Variants in PPP4R3B observed in about 807,000 individuals in gnomAD.
The protein encoded by PPP4R3B is serine/threonine-protein phosphatase 4 regulatory subunit 3B.
Under a neutral mutation model 95.4 loss-of-function variants are expected in PPP4R3B, and 52 were observed. The observed-to-expected ratio is 0.54, with a 90% CI of 0.44 to 0.69. The LOEUF is 0.69. Ranked by LOEUF, PPP4R3B falls within the 30% of genes least tolerant of loss-of-function variation. The pLI, the probability that PPP4R3B is intolerant of heterozygous loss-of-function variation, is 0.00. For missense variants in PPP4R3B, 1,003 were observed against 1,005.9 expected (o/e 1.00, Z 0.04); for synonymous variants, 407 against 343.9 (o/e 1.18, Z -2.03).
chr2:55,575,679 C>G (rs1267911908), intron 11 of PPP4R3B, among the ~76,000 whole-genome samples: 1 of 152,036 alleles, frequency 6.6e-6, no homozygotes, highest in Admixed American at 6.6e-5. Flanking sequence ...CTCAACCAAT[C>G]CTCCTGCCTC....
intron 15 of PPP4R3B, 78 bp downstream of exon 15, chr2:55,564,235 C>A (rs1686992196): frequency 7.7e-7 from 1 of 1,304,780 alleles, no homozygotes; most frequent in East Asian, 2.6e-5. Context: ...AAACTATAAA[C>A]AAACCTTCAC....
At chr2:55,551,225 G>A (rs1015857570) in intron 16 of PPP4R3B, among the ~76,000 whole-genome samples, 1 of 152,044 alleles carries the variant, frequency 6.6e-6, no homozygotes, top group South Asian at 2.1e-4. Flanking sequence ...GTGATGGCAG[G>A]CACCTGTAGT....
chr2:55,588,285 G>A (rs561473947), intron 5 of PPP4R3B, among the ~76,000 whole-genome samples: 2 of 152,162 alleles, frequency 1.3e-5, no homozygotes, highest in East Asian at 1.9e-4. Flanking sequence ...AGGCCAAGGC[G>A]GGGGGATCAC....
At chr2:55,613,898 G>A (rs1694540223) in intron 2 of PPP4R3B, among the ~76,000 whole-genome samples, 1 of 151,940 alleles carries the variant, frequency 6.6e-6, no homozygotes, top group Non-Finnish European at 1.5e-5. Flanking sequence ...TAAAAACTCG[G>A]TATAAAGACA....
At chr2:55,606,238 C>T (rs1693370819) in intron 2 of PPP4R3B, among the ~76,000 whole-genome samples, 1 of 151,940 alleles carries the variant, frequency 6.6e-6, no homozygotes, top group Admixed American at 6.6e-5. Context: ...AAAACACATG[C>T]TAAAATAGAA....
At chr2:55,612,475 T>C (rs574922587) in intron 2 of PPP4R3B, among the ~76,000 whole-genome samples, 7 of 152,264 alleles carry the variant, frequency 4.6e-5, no homozygotes, top group East Asian at 1.9e-4. Flanking sequence ...CCCAGCACCA[T>C]GGAGGTGCTG....
intron 2 of PPP4R3B, among the ~76,000 whole-genome samples, chr2:55,613,080 C>T (rs1268262101): frequency 2.6e-5 from 4 of 152,076 alleles, no homozygotes; most frequent in African/African-American, 9.7e-5. Flanking sequence ...CACTGTACTC[C>T]AGCCTAAGGG....
chr2:55,566,699 T>C (rs1249879959), intron 13 of PPP4R3B, among the ~76,000 whole-genome samples: 7 of 152,196 alleles, frequency 4.6e-5, no homozygotes, highest in African/African-American at 1.4e-4. Flanking sequence ...ATTTCTAGCT[T>C]GGACTTTGAT....
At chr2:55,613,350 T>C (rs1189150086) in intron 2 of PPP4R3B, among the ~76,000 whole-genome samples, 1 of 141,062 alleles carries the variant, frequency 7.1e-6, no homozygotes, top group Non-Finnish European at 1.5e-5. Context: ...GAATGTTATG[T>C]TGCCAAAAAA....
chr2:55,604,019 C>A lies in PPP4R3B; in HGVS notation c.256G>T (p.Glu86Ter). Residue 86 changes from glutamate (E) to a stop codon, truncating the protein, a stop_gained, in exon 3 of 17, where the codon GAG becomes TAG. Coordinates refer to ENST00000616407, the MANE Select transcript of PPP4R3B (RefSeq NM_001122964.3). LOFTEE classifies it high-confidence loss of function. Reference protein sequence around the residue: ...ENYDLALSFQEKAGCDEIWEK... With the variant: ...ENYDLALSFQ ...CAGATCTCATCACAGCCAGCTTTCT[C>A]CTGAAAACTCAGAGCCAAATCATAG... 6.2e-7 allele frequency: 1 copy of A among 1,610,988 alleles called. No individual in the cohort carries two copies. The highest frequency in any genetic ancestry group is 8.5e-7 in the Non-Finnish European group (1 of 1,178,844).
At chr2:55,576,119 G>A (rs887037944) in intron 11 of PPP4R3B, among the ~76,000 whole-genome samples, 14 of 152,200 alleles carry the variant, frequency 9.2e-5, no homozygotes, top group African/African-American at 2.9e-4. Context: ...GGCCAAGGTG[G>A]GTGGATCGCC....
At chr2:55,614,486 A>G (rs1293889373) in intron 2 of PPP4R3B, 1 of 152,226 alleles carries the variant, frequency 6.6e-6, no homozygotes, top group East Asian at 1.9e-4. Flanking sequence ...TGCAAGCTGC[A>G]GAATACATGT....
Position 55,547,756 on chromosome 2 carries a change from TA to T in PPP4R3B, c.*2154del, listed in dbSNP as rs1684868532. ...GGCCAAGATGGTGAAACCCCGTCTC[TA>T]CTGAAAATACAAAAATTAGCCTGGC... On this transcript the variant is annotated 3_prime_UTR_variant, in exon 17 of 17. Transcript: ENST00000616407. 6.6e-6 allele frequency: 1 copy of T among 152,160 alleles called. No individual in the cohort carries two copies. The highest frequency in any genetic ancestry group is 1.5e-5 in the Non-Finnish European group (1 of 68,062). 9.4% of individuals were successfully genotyped at this position (152,160 alleles called of 1,614,324 possible).
At chr2:55,609,601 A>G (rs1419696966) in intron 2 of PPP4R3B, among the ~76,000 whole-genome samples, 1 of 151,738 alleles carries the variant, frequency 6.6e-6, no homozygotes, top group African/African-American at 2.4e-5. Flanking sequence ...GCAGGAAGTT[A>G]AAGCTGCAGT....
intron 4 of PPP4R3B, among the ~76,000 whole-genome samples, chr2:55,596,394 C>T (rs889429269): frequency 3.3e-5 from 5 of 152,116 alleles, no homozygotes; most frequent in Admixed American, 6.5e-5. Flanking sequence ...AACAACTGTT[C>T]GAGAATGACA....
At chr2:55,561,697 T>G (rs1049067829) in intron 15 of PPP4R3B, among the ~76,000 whole-genome samples, 2 of 152,272 alleles carry the variant, frequency 1.3e-5, no homozygotes, top group African/African-American at 2.4e-5. Context: ...CTGCTGGGCT[T>G]TGCACTTGCC....
In PPP4R3B at chr2:55,566,078, TA is replaced by T. The variant is rs930511719; in HGVS notation, c.1936-1038del. On this transcript the variant is annotated intron_variant, in intron 13 of 16. Coordinates refer to ENST00000616407, the MANE Select transcript of PPP4R3B (RefSeq NM_001122964.3). ...GCATGCATGCCCAGTAGGCTTATTT[TA>T]AAAAAAAAAATTAAAGTTGTGATTG... 1.6e-4 allele frequency among the ~76,000 whole-genome samples: 24 copies of T among 148,748 alleles called. No homozygotes were observed. In the South Asian group the frequency reaches 2.5e-3, roughly 16 times the overall value.
At chr2:55,611,604 T>C (rs1694174477) in intron 2 of PPP4R3B, among the ~76,000 whole-genome samples, 1 of 152,250 alleles carries the variant, frequency 6.6e-6, no homozygotes, top group Admixed American at 6.5e-5. Context: ...TAACTCCTTT[T>C]AGGCTCACAA....
intron 16 of PPP4R3B, 48 bp downstream of exon 16, chr2:55,558,727 C>A: frequency 1.5e-6 from 2 of 1,353,052 alleles, no homozygotes; most frequent in Non-Finnish European, 2.0e-6. Flanking sequence ...ATGAAAAAAT[C>A]TCACAGACGG....
Sources: allele counts gnomAD v4.1 joint callset (sites outside exome capture counted in the v4.1 genomes callset), GRCh38; gene constraint gnomAD v4.1.1; transcripts MANE v1.5; gene names NCBI Gene and HGNC (gene_info 2026-07-23, HGNC 2026-07-21).